The following ARHGEF19 variants were observed in gnomAD, a reference collection of about 807,000 sequenced individuals.
ARHGEF19 encodes the protein Rho guanine nucleotide exchange factor (GEF) 19.
ARHGEF19 carries 92 observed loss-of-function variants against 87.6 expected under a neutral mutation model. The ratio of observed to expected loss-of-function variants is 1.05; its 90% CI spans 0.89 to 1.25. The LOEUF (loss-of-function observed/expected upper bound fraction) is 1.25. ARHGEF19 is among the 50% of genes most tolerant of loss of function. ARHGEF19 has a pLI of 0.00. For synonymous variants in ARHGEF19, 438 were observed against 446.2 expected (o/e 0.98, Z 0.23); for missense variants, 1,054 against 1,051.8 (o/e 1.00, Z -0.03).
Position 16,207,056 on chromosome 1 carries a change from C to A in ARHGEF19, c.1029G>T (p.Ala343=), listed in dbSNP as rs1312995638. 1 of 1,507,784 alleles carries A rather than the reference C, an allele frequency of 6.6e-7. No homozygotes were observed. The highest frequency in any genetic ancestry group is 2.2e-5 in the Admixed American group (1 of 45,188). The allele number at this position is 1,507,784 out of a possible 1,614,324, so 93.4% of individuals were successfully genotyped here. A position where few individuals can be genotyped will look rare whatever the true frequency, so the allele number is the denominator to read the frequency against. Reference sequence around the variant, plus strand: ...AGGTGGAGCCTCGCGCCGAGCGCTGCGCCCGGAAGGAGCTGCTGGGGGAGA... The same window carrying A: ...AGGTGGAGCCTCGCGCCGAGCGCTGAGCCCGGAAGGAGCTGCTGGGGGAGA... ...ANLSPSSSFR[A]QRSARGSTFS... The change falls in exon 6 of 16, where the codon GCG becomes GCT. Residue 343 remains alanine (A), a synonymous_variant. Transcript: ENST00000270747. This position sits in a 1 kb window ranked among gnomAD's most constrained non-coding sequence, Gnocchi z 4.0.
chr1:16,208,623 C>T lies in ARHGEF19; in HGVS notation c.412+20G>A. ...CCCCCTGCCATGGCACCCACACCCG[C>T]CTTCCCCAGGGTGACTCACAGGCAG... On this transcript the variant is annotated intron_variant, in intron 2 of 15. Coordinates refer to ENST00000270747, the MANE Select transcript of ARHGEF19 (RefSeq NM_153213.5). The T allele has an allele frequency of 1.3e-6, 2 of 1,582,750 alleles. No homozygotes were observed. The highest frequency in any genetic ancestry group is 4.5e-5 in the East Asian group (2 of 44,390).
chr1:16,199,197 G>C lies in ARHGEF19; in HGVS notation c.2204C>G (p.Thr735Ser). 1 of 1,614,000 alleles carries C rather than the reference G, an allele frequency of 6.2e-7. No homozygotes were observed. The highest frequency in any genetic ancestry group is 1.3e-5 in the African/African-American group (1 of 74,986). ...TGACAGGATGTCAGTCTTCTCCAAG[G>C]TCAGCTCATCTGGGTGCAGTGCCTT... is the stretch of plus-strand genomic sequence containing the variant. ...TYKALHPDEL[T>S]LEKTDILSVR... Residue 735 changes from threonine (T) to serine (S), a missense_variant, in exon 15 of 16, where the codon ACC becomes AGC. Coordinates refer to ENST00000270747, the MANE Select transcript of ARHGEF19 (RefSeq NM_153213.5).
chr1:16,208,495 C>T, intron 2 of ARHGEF19, 148 bp downstream of exon 2: 3 of 1,158,464 alleles, frequency 2.6e-6, no homozygotes, highest in Non-Finnish European at 3.5e-6. Flanking sequence ...ACTTGCCTTC[C>T]CTGAGCCCCA....
chr1:16,208,707 G>T lies in ARHGEF19; in HGVS notation c.348C>A (p.Pro116=). 6.2e-7 allele frequency: 1 copy of T among 1,607,728 alleles called. No homozygotes were observed. The highest frequency in any genetic ancestry group is 8.5e-7 in the Non-Finnish European group (1 of 1,178,078). The change falls in exon 2 of 16, where the codon CCC becomes CCA. Residue 116 remains proline, a synonymous_variant. Coordinates refer to ENST00000270747, the MANE Select transcript of ARHGEF19 (RefSeq NM_153213.5). ...GTGGCTGTGTGTGTCGGGGACTCCA[G>T]GGTCCCTCCAGAGCTGGGGGCTGGG... ...PGAQPPALEG[P]WSPRHTQPQR...
intron 13 of ARHGEF19, 88 bp from the exon 14 acceptor site, chr1:16,201,949 C>T (rs1300150665): frequency 6.5e-6 from 9 of 1,391,712 alleles, no homozygotes; most frequent in Non-Finnish European, 8.9e-6. Flanking sequence ...GGGAGCCAGA[C>T]ATGATGTCCA....
intron 1 of ARHGEF19, among the ~76,000 whole-genome samples, chr1:16,211,565 C>G (rs565123972): frequency 6.6e-6 from 1 of 151,552 alleles, no homozygotes; most frequent in Non-Finnish European, 1.5e-5. Flanking sequence ...TAGAAGGCTT[C>G]CCGGGGAGAT....
Position 16,207,267 on chromosome 1 carries a change from T to C in ARHGEF19, c.875-57A>G. The C allele has an allele frequency of 6.8e-7, 1 of 1,461,056 alleles. No individual in the cohort carries two copies. The highest frequency in any genetic ancestry group is 2.5e-4 in the Middle Eastern group (1 of 4,028). 90.5% of individuals were successfully genotyped at this position (1,461,056 alleles called of 1,614,324 possible). A position where few individuals can be genotyped will look rare whatever the true frequency, so the allele number is the denominator to read the frequency against. The stretch of plus-strand genomic sequence containing the variant: ...GGCGCCCGCCAGCCCCTGCCCGGCT[T>C]TTCCTCGGTTCCCTCAAGAGCCCGC... On this transcript the variant is annotated intron_variant, in intron 5 of 15. Coordinates refer to ENST00000270747, the MANE Select transcript of ARHGEF19 (RefSeq NM_153213.5). This position sits in a 1 kb window ranked among gnomAD's most constrained non-coding sequence, Gnocchi z 4.0.
At position 16,208,099 on chromosome 1, in the gene ARHGEF19, A is replaced by C. The variant is rs1271174619; in HGVS notation, c.539T>G (p.Leu180Trp). The change falls in exon 3 of 16, where the codon TTG becomes TGG. Residue 180 changes from leucine (L) to tryptophan (W), a missense_variant. Physicochemically the swap from Leu to Trp is moderately conservative, Grantham distance 61. Coordinates refer to ENST00000270747, the MANE Select transcript of ARHGEF19 (RefSeq NM_153213.5). ...ALSTEEPRVE[L>W]SGSTRVSLEG... ...GAGGCTCACTCGGGTGGACCCAGAC[A>C]ACTCCACCCTGGGCTCCTCTGTGCT... 1.2e-6 allele frequency: 2 copies of C among 1,613,998 alleles called. No homozygotes were observed.
intron 2 of ARHGEF19, among the ~76,000 whole-genome samples, 188 bp downstream of exon 2, chr1:16,208,455 A>G (rs2081166393): frequency 1.3e-5 from 2 of 152,114 alleles, no homozygotes; most frequent in African/African-American, 4.8e-5. Context: ...CAGAATGGTG[A>G]CTCACTCACT....
intron 13 of ARHGEF19, 107 bp downstream of exon 13, chr1:16,202,309 G>A: frequency 1.4e-6 from 2 of 1,427,082 alleles, no homozygotes; most frequent in Non-Finnish European, 9.4e-7. Context: ...AACAAGGCCA[G>A]GATGTCCCAG....
Position 16,206,527 on chromosome 1 carries a change from C to T in ARHGEF19, c.1138-187G>A, listed in dbSNP as rs221052. On this transcript the variant is annotated intron_variant, in intron 6 of 15. Coordinates refer to ENST00000270747, the MANE Select transcript of ARHGEF19 (RefSeq NM_153213.5). The surrounding 1 kb of genome is among the most constrained non-coding windows in gnomAD (Gnocchi z 4.6). ...CCGCGGGAAATTGTGCAAGCCTTTC[C>T]TGTCCTCGATCCCGCCCCTCTCCTA... 478,940 of 638,572 alleles carry T rather than the reference C, an allele frequency of 0.75. 181,017 individuals carry two copies. The highest frequency in any genetic ancestry group is 0.88 in the East Asian group (31,098 of 35,508). 39.6% of individuals were successfully genotyped at this position (638,572 alleles called of 1,614,324 possible). A position where few individuals can be genotyped will look rare whatever the true frequency, so the allele number is the denominator to read the frequency against.
At position 16,205,027 on chromosome 1, in the gene ARHGEF19, G is replaced by T. The variant is rs1240893531; in HGVS notation, c.1746+60C>A. 4.5e-6 allele frequency: 7 copies of T among 1,562,922 alleles called. No individual in the cohort carries two copies. The East Asian group carries it at 1.2e-4, about 27-fold the overall frequency. ...GATTAACTGGCCTGAAGCCCCCAGG[G>T]CAAGGAAGAAACAAGAGCTGCCCCT... is the stretch of plus-strand genomic sequence containing the variant. On this transcript the variant is annotated intron_variant, in intron 11 of 15. Coordinates refer to ENST00000270747, the MANE Select transcript of ARHGEF19 (RefSeq NM_153213.5). This position sits in a 1 kb window ranked among gnomAD's most constrained non-coding sequence, Gnocchi z 5.8.
In ARHGEF19 at chr1:16,207,163, G is replaced by A. The variant is rs1376447920; in HGVS notation, c.922C>T (p.Arg308Trp). 2.6e-6 allele frequency: 4 copies of A among 1,529,098 alleles called. No individual in the cohort carries two copies. Among genetic ancestry groups the A allele is most frequent in the African/African-American group, 1.4e-5 (1 of 71,114 alleles). The allele number at this position is 1,529,098 out of a possible 1,614,324, so 94.7% of individuals were successfully genotyped here. ...YSDVASAREL[R>W]RQQREEEGPG... The stretch of plus-strand genomic sequence containing the variant: ...CCCTCCTCCTCGCGCTGCTGCCGCC[G>A]CAGTTCGCGGGCGCTGGCCACGTCG... Residue 308 changes from arginine to tryptophan, a missense_variant, in exon 6 of 16, where the codon CGG becomes TGG. Arg to Trp is a moderately radical substitution (Grantham distance 101). Coordinates refer to ENST00000270747, the MANE Select transcript of ARHGEF19 (RefSeq NM_153213.5). The surrounding 1 kb of genome is among the most constrained non-coding windows in gnomAD (Gnocchi z 4.0).
Position 16,208,749 on chromosome 1 carries a change from C to A in ARHGEF19, c.306G>T (p.Trp102Cys). 6.2e-7 allele frequency: 1 copy of A among 1,611,878 alleles called. No homozygotes were observed. The highest frequency in any genetic ancestry group is 8.5e-7 in the Non-Finnish European group (1 of 1,179,280). Residue 102 changes from tryptophan to cysteine, a missense_variant, in exon 2 of 16, where the codon TGG (tryptophan) becomes TGT (cysteine). Physicochemically the swap from Trp to Cys is radical, Grantham distance 215. Transcript: ENST00000270747. ...GGGGCTGGGCACCAGGACAGTGTGG[C>A]CAGCTGCCAGCCCTGCTGGGCCGCA... ...GGMRPSRAGSWPHCPGAQPPA... is the reference protein window; with the variant it reads ...GGMRPSRAGSCPHCPGAQPPA...
intron 12 of ARHGEF19, among the ~76,000 whole-genome samples, chr1:16,203,697 C>T (rs2081101518): frequency 1.3e-5 from 2 of 152,208 alleles, no homozygotes; most frequent in Non-Finnish European, 2.9e-5. Flanking sequence ...TTCTACCCTA[C>T]CATGACTCTG....
chr1:16,208,726 G>A lies in ARHGEF19; in HGVS notation c.329C>T (p.Pro110Leu). ...ACTCCAGGGTCCCTCCAGAGCTGGGGGCTGGGCACCAGGACAGTGTGGCCA... is the reference window on the plus strand; with the variant it reads ...ACTCCAGGGTCCCTCCAGAGCTGGGAGCTGGGCACCAGGACAGTGTGGCCA... Reference protein sequence around the residue: ...GSWPHCPGAQPPALEGPWSPR... With the variant: ...GSWPHCPGAQLPALEGPWSPR... Residue 110 changes from proline (P) to leucine (L), a missense_variant, in exon 2 of 16, where the codon CCC becomes CTC. Pro to Leu is a moderately conservative substitution (Grantham distance 98, BLOSUM62 -3). Coordinates refer to ENST00000270747, the MANE Select transcript of ARHGEF19 (RefSeq NM_153213.5). 1 of 1,609,800 alleles carries A rather than the reference G, an allele frequency of 6.2e-7. No individual in the cohort carries two copies. The highest frequency in any genetic ancestry group is 8.5e-7 in the Non-Finnish European group (1 of 1,178,648).
intron 12 of ARHGEF19, among the ~76,000 whole-genome samples, chr1:16,204,028 T>A (rs1255360046): frequency 6.6e-6 from 1 of 152,330 alleles, no homozygotes; most frequent in Middle Eastern, 3.4e-3. Context: ...TAGCATAACA[T>A]GTCCATCCTT....
chr1:16,205,915 G>T lies in ARHGEF19; in HGVS notation c.1451+16C>A. On this transcript the variant is annotated intron_variant, in intron 8 of 15. Transcript: ENST00000270747. The surrounding 1 kb of genome is among the most constrained non-coding windows in gnomAD (Gnocchi z 5.8). ...TCCCTCCACGCCCCCGCCCCTTTCA[G>T]AGCCCCCAGCCCTACAGCAGGCGCT... is the stretch of plus-strand genomic sequence containing the variant. The T allele has an allele frequency of 6.3e-7, 1 of 1,596,170 alleles. No homozygotes were observed. The highest frequency in any genetic ancestry group is 1.8e-5 in the Admixed American group (1 of 57,012).
Position 16,207,048 on chromosome 1 carries a change from G to T in ARHGEF19, c.1037C>A (p.Ser346Ter). Residue 346 changes from serine to a stop codon, truncating the protein, a stop_gained, in exon 6 of 16, where the codon TCG (serine) becomes TAG (stop). Transcript: ENST00000270747. LOFTEE classifies it high-confidence loss of function. This position sits in a 1 kb window ranked among gnomAD's most constrained non-coding sequence, Gnocchi z 4.0. ...CAGCGAGAAGGTGGAGCCTCGCGCCGAGCGCTGCGCCCGGAAGGAGCTGCT... is the reference window on the plus strand; with the variant it reads ...CAGCGAGAAGGTGGAGCCTCGCGCCTAGCGCTGCGCCCGGAAGGAGCTGCT... ...SPSSSFRAQR[S>*]ARGSTFSLWQ... 3 of 1,508,042 alleles carry T rather than the reference G, an allele frequency of 2.0e-6. No homozygotes were observed. Among genetic ancestry groups the T allele is most frequent in the Non-Finnish European group, 1.8e-6 (2 of 1,131,160 alleles). The allele number at this position is 1,508,042 out of a possible 1,614,324, so 93.4% of individuals were successfully genotyped here.
Sources: gnomAD v4.1 joint callset for allele counts (sites outside exome capture counted in the v4.1 genomes callset) on GRCh38, gnomAD v4.1.1 for gene constraint, Gnocchi (gnomAD v3.1) non-coding constraint, MANE v1.5 for transcripts, NCBI Gene and HGNC (gene_info 2026-07-23, HGNC 2026-07-21) for gene names.